FHOD3: variants seen among roughly 807,000 people sequenced by gnomAD.
FHOD3 encodes FH1/FH2 domain-containing protein 3.
In FHOD3, 90 loss-of-function variants were observed where a neutral mutation model predicts 173.0. That is an observed-to-expected ratio of 0.52 (90% confidence interval 0.44 to 0.62). The LOEUF (loss-of-function observed/expected upper bound fraction) is 0.62. Among genes scored for constraint, FHOD3 ranks in the 20% least tolerant of loss-of-function variants. The pLI is 0.00. For synonymous variants in FHOD3, 828 were observed against 823.0 expected, an observed-to-expected ratio of 1.01 and a Z score of -0.10; for missense variants, 1,945 against 2,034.7, an observed-to-expected ratio of 0.96 and a Z score of 0.85.
At chr18:36,447,089 T>C (rs2051530945) in intron 3 of FHOD3, among the ~76,000 whole-genome samples, 1 of 152,186 alleles carries the variant, frequency 6.6e-6, no homozygotes, top group South Asian at 2.1e-4. Context: ...ATAGATCTTA[T>C]ATCAAACACC....
chr18:36,523,963 G>T (rs1388639789), intron 5 of FHOD3, among the ~76,000 whole-genome samples: 2 of 152,114 alleles, frequency 1.3e-5, no homozygotes, highest in African/African-American at 4.8e-5. Flanking sequence ...TGAAAACAAT[G>T]GTGAACTATC....
intron 4 of FHOD3, among the ~76,000 whole-genome samples, chr18:36,507,579 A>G (rs566082426): frequency 6.6e-6 from 1 of 152,336 alleles, no homozygotes; most frequent in South Asian, 2.1e-4. Context: ...TGCCTAGCAT[A>G]GTATCTGGTA....
At chr18:36,479,546 T>C (rs2053768136) in intron 3 of FHOD3, among the ~76,000 whole-genome samples, 1 of 152,158 alleles carries the variant, frequency 6.6e-6, no homozygotes, top group Non-Finnish European at 1.5e-5. Context: ...AACAGTAGCA[T>C]GTAAGGAACA....
chr18:36,364,617 C>A (rs2046803453), intron 2 of FHOD3, among the ~76,000 whole-genome samples: 1 of 152,306 alleles, frequency 6.6e-6, no homozygotes, highest in South Asian at 2.1e-4. Flanking sequence ...GAAGCTCCAC[C>A]AGTGACTTCC....
At chr18:36,462,165 G>A (rs2052593191) in intron 3 of FHOD3, among the ~76,000 whole-genome samples, 1 of 152,172 alleles carries the variant, frequency 6.6e-6, no homozygotes, top group African/African-American at 2.4e-5. Context: ...GTGAGGGTGA[G>A]TAGACTTACC....
chr18:36,385,828 C>G (rs1336673564), intron 3 of FHOD3, among the ~76,000 whole-genome samples: 3 of 152,222 alleles, frequency 2.0e-5, no homozygotes, highest in Non-Finnish European at 4.4e-5. Flanking sequence ...ATGAAGGCAA[C>G]TTCCCACCAT....
chr18:36,684,661 G>A (rs928819205), intron 15 of FHOD3, among the ~76,000 whole-genome samples: 3 of 152,140 alleles, frequency 2.0e-5, no homozygotes, highest in Non-Finnish European at 1.5e-5. Flanking sequence ...TTTCCTACCT[G>A]AAAACTAAAC....
intron 16 of FHOD3, among the ~76,000 whole-genome samples, chr18:36,688,457 A>T (rs887170098): frequency 6.6e-6 from 1 of 152,240 alleles, no homozygotes; most frequent in African/African-American, 2.4e-5. Flanking sequence ...TGATGGCATT[A>T]CTTTGATTCC....
intron 18 of FHOD3, among the ~76,000 whole-genome samples, chr18:36,713,750 A>C (rs960888049): frequency 6.6e-6 from 1 of 152,198 alleles, no homozygotes; most frequent in Non-Finnish European, 1.5e-5. Flanking sequence ...AAATTATCAC[A>C]TGTACCCCAA....
chr18:36,673,691 T>G (rs1252939982), intron 14 of FHOD3, among the ~76,000 whole-genome samples: 1 of 152,160 alleles, frequency 6.6e-6, no homozygotes, highest in Non-Finnish European at 1.5e-5. Flanking sequence ...AGGAGGGAAC[T>G]GCAGGGCATT....
Position 36,625,529 on chromosome 18 carries a change from G to C in FHOD3, c.976G>C (p.Asp326His). 6.9e-7 allele frequency: 1 copy of C among 1,446,998 alleles called. No individual in the cohort carries two copies. Among genetic ancestry groups the C allele is most frequent in the Non-Finnish European group, 9.2e-7 (1 of 1,086,130 alleles). 89.6% of individuals were successfully genotyped at this position (1,446,998 alleles called of 1,614,324 possible). Reference sequence around the variant, plus strand: ...TTTCCAGGTGGCGCTCAGGCACGAGGATGGCGATGAGACCACGGAGCCACC... The same window carrying C: ...TTTCCAGGTGGCGCTCAGGCACGAGCATGGCGATGAGACCACGGAGCCACC... ...NIYEVALRHE[D>H]GDETTEPPPS... The change falls in exon 10 of 29, where the codon GAT (aspartate) becomes CAT (histidine). Residue 326 changes from aspartate (D) to histidine (H), a missense_variant. Physicochemically the swap from Asp to His is moderately conservative, Grantham distance 81. This residue lies in a region of FHOD3 where 1,099 missense variants were observed against 1,051.2 expected (regional missense o/e 1.05). Coordinates refer to ENST00000590592, the MANE Select transcript of FHOD3 (RefSeq NM_001281740.3).
chr18:36,515,839 C>T (rs980347080), intron 5 of FHOD3, among the ~76,000 whole-genome samples: 1 of 152,200 alleles, frequency 6.6e-6, no homozygotes, highest in Admixed American at 6.5e-5. Flanking sequence ...ACGAGCACTC[C>T]ACTCAGGCTA....
intron 5 of FHOD3, among the ~76,000 whole-genome samples, chr18:36,541,871 T>A (rs1235300672): frequency 1.3e-5 from 2 of 152,296 alleles, no homozygotes; most frequent in Non-Finnish European, 2.9e-5. Flanking sequence ...TCTGAGAAGG[T>A]AATGCCCTTT....
At chr18:36,649,958 C>T (rs552779493) in intron 11 of FHOD3, among the ~76,000 whole-genome samples, 11 of 152,190 alleles carry the variant, frequency 7.2e-5, no homozygotes, top group Admixed American at 7.2e-4. Flanking sequence ...CTCTATAGCC[C>T]TTTGGGGAGT....
chr18:36,534,779 G>C (rs557860525), intron 5 of FHOD3, among the ~76,000 whole-genome samples: 10 of 152,296 alleles, frequency 6.6e-5, no homozygotes, highest in Admixed American at 4.6e-4. Flanking sequence ...TGCTGAACCA[G>C]GTGGCTCTGG....
intron 5 of FHOD3, among the ~76,000 whole-genome samples, chr18:36,516,147 G>A (rs930886314): frequency 1.2e-4 from 19 of 152,150 alleles, no homozygotes; most frequent in East Asian, 7.7e-4. Flanking sequence ...ACTGCTGGCA[G>A]CCACTGGACA....
intron 5 of FHOD3, among the ~76,000 whole-genome samples, chr18:36,536,912 T>G (rs976382953): frequency 2.6e-5 from 4 of 152,182 alleles, no homozygotes; most frequent in African/African-American, 9.7e-5. Context: ...TCTCTAGAAG[T>G]GACAAGAAGG....
chr18:36,760,054 T>G (rs2150258657), intron 26 of FHOD3, among the ~76,000 whole-genome samples: 1 of 152,334 alleles, frequency 6.6e-6, no homozygotes, highest in South Asian at 2.1e-4. Flanking sequence ...CTCAGTTTCC[T>G]TTTCCATAAA....
chr18:36,310,915 C>T (rs544928223), intron 1 of FHOD3, among the ~76,000 whole-genome samples: 1 of 152,132 alleles, frequency 6.6e-6, no homozygotes, highest in South Asian at 2.1e-4. Context: ...ATGTGGCCTG[C>T]AGCAGTGGGC....
Sources: gnomAD v4.1 joint callset for allele counts (sites outside exome capture counted in the v4.1 genomes callset) on GRCh38, gnomAD v4.1.1 for gene constraint, gnomAD v4.1.1 regional missense constraint, MANE v1.5 for transcripts, NCBI Gene and HGNC (gene_info 2026-07-23, HGNC 2026-07-21) for gene names.